RC3H1: variants seen among roughly 807,000 people sequenced by gnomAD.
RC3H1 encodes roquin-1.
A neutral mutation model predicts 138.2 loss-of-function variants in RC3H1; 50 were observed. The observed-to-expected ratio is 0.36, with a 90% CI of 0.29 to 0.46. The LOEUF (loss-of-function observed/expected upper bound fraction) is 0.46, where lower values mean the gene tolerates loss of function less well. Ranked by LOEUF, RC3H1 falls within the 20% of genes least tolerant of loss-of-function variation. RC3H1 has a pLI of 1.00. For missense variants in RC3H1, 1,031 were observed against 1,388.1 expected, an observed-to-expected ratio of 0.74 and a Z score of 4.09; for synonymous variants, 462 against 489.1, an observed-to-expected ratio of 0.94 and a Z score of 0.73.
intron 1 of RC3H1, among the ~76,000 whole-genome samples, chr1:173,996,365 T>C (rs545466372): frequency 6.6e-4 from 100 of 152,172 alleles, no homozygotes; most frequent in Admixed American, 1.6e-3. Context: ...TTAGTCTACG[T>C]ATTAATATAT....
At chr1:173,943,739 T>C in intron 17 of RC3H1, 124 bp from the exon 18 acceptor site, 1 of 887,158 alleles carries the variant, frequency 1.1e-6, no homozygotes, top group Non-Finnish European at 1.6e-6. Flanking sequence ...AACAAAATAA[T>C]GCAACTGTAA....
chr1:173,975,207 T>C (rs1660521119), intron 7 of RC3H1, among the ~76,000 whole-genome samples: 1 of 152,168 alleles, frequency 6.6e-6, no homozygotes, highest in South Asian at 2.1e-4. Context: ...GCAATTCTCC[T>C]GTCTCAGCCT....
intron 1 of RC3H1, among the ~76,000 whole-genome samples, chr1:174,007,154 C>T (rs1400184834): frequency 6.6e-6 from 1 of 152,148 alleles, no homozygotes; most frequent in South Asian, 2.1e-4. Context: ...CTTTGGGAGG[C>T]CAAGGCAGGC....
Position 173,964,804 on chromosome 1 carries a change from G to T in RC3H1, c.1616+35C>A, listed in dbSNP as rs749865810. On this transcript the variant is annotated intron_variant, in intron 10 of 19. Transcript: ENST00000367696. ...TATCTTCCTTCGACTTTATGAAGAAGAAATTTTGAAATAAGAGTTAGAAAA... is the reference window on the plus strand; with the variant it reads ...TATCTTCCTTCGACTTTATGAAGAATAAATTTTGAAATAAGAGTTAGAAAA... The T allele has an allele frequency of 3.2e-6, 5 of 1,551,908 alleles. No individual in the cohort carries two copies. The African/African-American group carries it at 5.5e-5, about 17-fold the overall frequency.
intron 12 of RC3H1, 69 bp from the exon 13 acceptor site, chr1:173,961,313 A>C (rs1216779002): frequency 7.3e-7 from 1 of 1,372,978 alleles, no homozygotes; most frequent in Non-Finnish European, 1.0e-6. Flanking sequence ...TAATATACTC[A>C]GCGTATATTT....
chr1:173,976,536 A>G (rs1299976771), intron 7 of RC3H1, among the ~76,000 whole-genome samples: 1 of 152,200 alleles, frequency 6.6e-6, no homozygotes, highest in Non-Finnish European at 1.5e-5. Context: ...ACATGGAAGT[A>G]ATTTATGACC....
intron 2 of RC3H1, among the ~76,000 whole-genome samples, chr1:173,986,425 C>G (rs1388890098): frequency 2.0e-5 from 3 of 152,172 alleles, no homozygotes; most frequent in African/African-American, 7.2e-5. Context: ...CATCTGGGCT[C>G]ACGCCACCAC....
chr1:173,960,850 C>T (rs1407597), intron 13 of RC3H1, among the ~76,000 whole-genome samples: 43,969 of 151,894 alleles, frequency 0.29, 11,385 homozygotes, highest in African/African-American at 0.7. Flanking sequence ...TAAATTGTGC[C>T]GAGTCAGTGC....
In RC3H1 at chr1:173,938,577, G is replaced by C. The variant is rs1212688633; in HGVS notation, c.*144C>G. The C allele has an allele frequency of 1.9e-6, 1 of 529,808 alleles. No homozygotes were observed. The highest frequency in any genetic ancestry group is 1.9e-5 in the African/African-American group (1 of 52,144). The allele number at this position is 529,808 out of a possible 1,614,324, so 32.8% of individuals were successfully genotyped here. On this transcript the variant is annotated 3_prime_UTR_variant, in exon 20 of 20. Transcript: ENST00000367696. ...TGTGCAGGGTTTGTTTTTAGTAGTG[G>C]TGTTTGTGCACATTGCCTCTGGTGA...
At position 173,993,010 on chromosome 1, in the gene RC3H1, A is replaced by G; in HGVS notation, c.-25T>C. The G allele has an allele frequency of 1.4e-6, 2 of 1,444,238 alleles. No individual in the cohort carries two copies. The highest frequency in any genetic ancestry group is 1.7e-4 in the Middle Eastern group (1 of 5,746). 89.5% of individuals were successfully genotyped at this position (1,444,238 alleles called of 1,614,324 possible). A position where few individuals can be genotyped will look rare whatever the true frequency, so the allele number is the denominator to read the frequency against. ...TTGCTTCTGGAGTTACAATTCACGA[A>G]CACAAACACACACACAAATCTAAAG... On this transcript the variant is annotated 5_prime_UTR_variant, in exon 2 of 20. Transcript: ENST00000367696.
At chr1:173,973,807 A>G (rs559662424) in intron 7 of RC3H1, among the ~76,000 whole-genome samples, 5 of 152,296 alleles carry the variant, frequency 3.3e-5, no homozygotes, top group Admixed American at 6.5e-5. Context: ...TGAAAAGGAA[A>G]AAAGGTGAAG....
At chr1:174,013,815 C>T (rs763066779) in intron 1 of RC3H1, among the ~76,000 whole-genome samples, 4 of 151,980 alleles carry the variant, frequency 2.6e-5, no homozygotes, top group Admixed American at 1.3e-4. Context: ...CAGTGGCTCA[C>T]GCCTATAATC....
At chr1:174,012,022 G>C (rs902093709) in intron 1 of RC3H1, among the ~76,000 whole-genome samples, 1 of 152,060 alleles carries the variant, frequency 6.6e-6, no homozygotes, top group African/African-American at 2.4e-5. Context: ...ACCAGCCTGG[G>C]CAACACGGCA....
At position 173,947,548 on chromosome 1, in the gene RC3H1, A is replaced by G; in HGVS notation, c.2558T>C (p.Leu853Ser). The change falls in exon 15 of 20, where the codon TTA becomes TCA. Residue 853 changes from leucine to serine, a missense_variant. Leu to Ser is a moderately radical substitution (Grantham distance 145, BLOSUM62 -2). Around this residue, in one of 7 missense-constraint regions of RC3H1, gnomAD observed 716 missense variants for 837.9 expected, o/e 0.85. Transcript: ENST00000367696. Reference protein sequence around the residue: ...VESKGMRDQRLDLQRRAAETS... With the variant: ...VESKGMRDQRSDLQRRAAETS... ...TTCTGCTGCTCTTCTCTGAAGATCT[A>G]ATCGCTGGTCCCTCATTCCTTTACT... 1 of 1,614,040 alleles carries G rather than the reference A, an allele frequency of 6.2e-7. No individual in the cohort carries two copies. Among genetic ancestry groups the G allele is most frequent in the Non-Finnish European group, 8.5e-7 (1 of 1,179,980 alleles).
At chr1:174,007,207 G>T (rs1205050300) in intron 1 of RC3H1, among the ~76,000 whole-genome samples, 2 of 152,130 alleles carry the variant, frequency 1.3e-5, no homozygotes, top group South Asian at 4.1e-4. Context: ...GGCTAACACG[G>T]GGAAACACCA....
At position 173,932,663 on chromosome 1, in the gene RC3H1, T is replaced by C. The variant is rs1275268196; in HGVS notation, c.*6058A>G. The C allele has an allele frequency of 1.3e-5, 2 of 152,044 alleles. No homozygotes were observed. Among genetic ancestry groups the C allele is most frequent in the Non-Finnish European group, 2.9e-5 (2 of 67,978 alleles). 9.4% of individuals were successfully genotyped at this position (152,044 alleles called of 1,614,324 possible). ...CTCTCAAGACAGTGTCTTAGTTGAA[T>C]AGAGGATGTAAAAACGATAAGCAAA... On this transcript the variant is annotated 3_prime_UTR_variant, in exon 20 of 20. Coordinates refer to ENST00000367696, the MANE Select transcript of RC3H1 (RefSeq NM_172071.4).
At chr1:173,966,214 A>G (rs189713748) in intron 9 of RC3H1, among the ~76,000 whole-genome samples, 1 of 152,338 alleles carries the variant, frequency 6.6e-6, no homozygotes, top group Non-Finnish European at 1.5e-5. Flanking sequence ...TATGTATGCC[A>G]ATACAAAATT....
chr1:173,985,322 C>A (rs1660981388), intron 2 of RC3H1, among the ~76,000 whole-genome samples: 1 of 146,830 alleles, frequency 6.8e-6, no homozygotes, highest in East Asian at 2.0e-4. Context: ...TGGTATATAC[C>A]TAGGAGTCTG....
chr1:174,016,356 A>G (rs1291413741), intron 1 of RC3H1: 2 of 151,682 alleles, frequency 1.3e-5, no homozygotes, highest in Non-Finnish European at 2.9e-5. Context: ...ACAGAAAACC[A>G]GAAATTTTAC....
Sources: allele counts gnomAD v4.1 joint callset (sites outside exome capture counted in the v4.1 genomes callset), GRCh38; gene constraint gnomAD v4.1.1; regional missense constraint gnomAD v4.1.1; transcripts MANE v1.5; gene names NCBI Gene and HGNC (gene_info 2026-07-23, HGNC 2026-07-21).